The following ARSB variants were observed in gnomAD, a reference collection of about 807,000 sequenced individuals.
ARSB encodes arylsulfatase B.
A neutral mutation model predicts 50.9 loss-of-function variants in ARSB; 41 were observed. That is an observed-to-expected ratio of 0.81 (90% CI 0.63 to 1.04). The LOEUF is 1.04. ARSB is among the 50% of genes least tolerant of loss of function. The pLI is 0.00. For missense variants in ARSB, 672 were observed against 693.3 expected (o/e 0.97, Z 0.35); for synonymous variants, 269 against 284.8 (o/e 0.94, Z 0.56).
intron 6 of ARSB, among the ~76,000 whole-genome samples, chr5:78,812,221 G>A (rs1458494352): frequency 2.6e-5 from 4 of 152,138 alleles, no homozygotes; most frequent in South Asian, 2.1e-4. Flanking sequence ...GCAGGTGCTC[G>A]GCTGTCTGCT....
chr5:78,890,498 T>G (rs1194645041), intron 4 of ARSB, among the ~76,000 whole-genome samples: 1 of 152,134 alleles, frequency 6.6e-6, no homozygotes, highest in Non-Finnish European at 1.5e-5. Context: ...AAAACAGCTT[T>G]CCAATCATCC....
intron 1 of ARSB, among the ~76,000 whole-genome samples, chr5:78,980,391 T>C (rs1438169846): frequency 6.6e-6 from 1 of 152,190 alleles, no homozygotes; most frequent in Non-Finnish European, 1.5e-5. Flanking sequence ...ATGTACAAAA[T>C]GACATATGTG....
At chr5:78,905,237 T>C (rs1470378558) in intron 4 of ARSB, among the ~76,000 whole-genome samples, 1 of 152,180 alleles carries the variant, frequency 6.6e-6, no homozygotes, top group African/African-American at 2.4e-5. Context: ...TGCATTAAAG[T>C]TTTTGTCTGA....
intron 6 of ARSB, among the ~76,000 whole-genome samples, chr5:78,811,156 C>T (rs1191918538): frequency 6.6e-6 from 1 of 152,204 alleles, no homozygotes; most frequent in Non-Finnish European, 1.5e-5. Flanking sequence ...ATCTTTCCAA[C>T]TGGACTGCAG....
intron 4 of ARSB, among the ~76,000 whole-genome samples, chr5:78,922,209 G>T (rs1749850458): frequency 1.3e-5 from 2 of 150,880 alleles, no homozygotes; most frequent in Admixed American, 6.6e-5. Context: ...TGGTGGGGGG[G>T]GAGGAGGGGG....
At chr5:78,908,308 C>T (rs942564203) in intron 4 of ARSB, among the ~76,000 whole-genome samples, 1 of 152,066 alleles carries the variant, frequency 6.6e-6, no homozygotes, top group Non-Finnish European at 1.5e-5. Context: ...CTTGGTCTGC[C>T]GCTGGGACTG....
chr5:78,815,906 C>T, intron 6 of ARSB: 1 of 1,470,942 alleles, frequency 6.8e-7, no homozygotes, highest in South Asian at 1.4e-5. Context: ...AAGACAGCCT[C>T]CTGGGGCCCC....
At chr5:78,848,090 T>A (rs997934447) in intron 5 of ARSB, among the ~76,000 whole-genome samples, 37 of 151,294 alleles carry the variant, frequency 2.4e-4, no homozygotes, top group African/African-American at 8.7e-4. Context: ...TATTATACTT[T>A]AAGTTTTAGG....
intron 1 of ARSB, among the ~76,000 whole-genome samples, chr5:78,973,483 T>C (rs1001081042): frequency 6.6e-6 from 1 of 152,176 alleles, no homozygotes; most frequent in Non-Finnish European, 1.5e-5. Context: ...TATTTACATA[T>C]TGGTTGCACG....
intron 2 of ARSB, among the ~76,000 whole-genome samples, chr5:78,968,336 A>G (rs947855611): frequency 2.5e-5 from 2 of 81,352 alleles, no homozygotes; most frequent in East Asian, 2.5e-4. Flanking sequence ...TATTATTATT[A>G]TTATTATTAT....
At position 78,929,857 on chromosome 5, in the gene ARSB, A is replaced by G. The variant is rs60850046; in HGVS notation, c.898+25438T>C. On this transcript the variant is annotated intron_variant, in intron 4 of 7. Transcript: ENST00000264914. ...GATCTTCAGAACTCCTCAGGACAGT[A>G]CATTGTCTTAAATAACAAGTAGAGT... is the stretch of plus-strand genomic sequence containing the variant. Among the ~76,000 whole-genome samples the G allele has an allele frequency of 7.5e-3, 1,139 of 152,006 alleles. 16 individuals are homozygous for G. The highest frequency in any genetic ancestry group is 0.026 in the African/African-American group (1,092 of 41,418).
chr5:78,892,582 C>A (rs79688502), intron 4 of ARSB, among the ~76,000 whole-genome samples: 7,303 of 152,192 alleles, frequency 0.048, 549 homozygotes, highest in African/African-American at 0.16. Flanking sequence ...TAGGTAATTT[C>A]TTGAGAAGTG....
chr5:78,891,873 A>T (rs1487919126), intron 4 of ARSB, among the ~76,000 whole-genome samples: 1 of 152,210 alleles, frequency 6.6e-6, no homozygotes, highest in African/African-American at 2.4e-5. Context: ...TATGACCATC[A>T]TCACTTTCCC....
At chr5:78,976,412 C>A (rs1019344763) in intron 1 of ARSB, among the ~76,000 whole-genome samples, 2 of 151,306 alleles carry the variant, frequency 1.3e-5, no homozygotes, top group African/African-American at 4.8e-5. Flanking sequence ...ATCTACCCCC[C>A]TGCCCCCGGG....
chr5:78,867,339 C>A (rs1466185208), intron 5 of ARSB, among the ~76,000 whole-genome samples: 1 of 151,846 alleles, frequency 6.6e-6, no homozygotes, highest in Admixed American at 6.5e-5. Flanking sequence ...GCCTGCCTGC[C>A]TCTGTAGGCT....
At chr5:78,794,572 G>A (rs1376823844) in intron 6 of ARSB, among the ~76,000 whole-genome samples, 3 of 152,158 alleles carry the variant, frequency 2.0e-5, no homozygotes, top group African/African-American at 4.8e-5. Context: ...AAGAAGAGAG[G>A]TGGGGTTGGG....
intron 4 of ARSB, among the ~76,000 whole-genome samples, chr5:78,942,006 C>G (rs1750955655): frequency 1.3e-5 from 2 of 152,124 alleles, no homozygotes; most frequent in Admixed American, 6.5e-5. Context: ...CTGGTTTAGT[C>G]TTGGGAGGGT....
intron 4 of ARSB, among the ~76,000 whole-genome samples, chr5:78,953,482 C>T (rs1392723150): frequency 1.3e-5 from 2 of 152,222 alleles, no homozygotes; most frequent in Non-Finnish European, 2.9e-5. Flanking sequence ...CTTAGAACTG[C>T]GTCCCACACA....
chr5:78,937,512 T>C lies in ARSB; in HGVS notation c.898+17783A>G, dbSNP rs1750687596. Among the ~76,000 whole-genome samples, 5 of 149,448 alleles carry C rather than the reference T, an allele frequency of 3.3e-5. No homozygotes were observed. The Admixed American group carries it at 3.4e-4, about 10-fold the overall frequency. On this transcript the variant is annotated intron_variant, in intron 4 of 7. Transcript: ENST00000264914. ...CTCATAGAAAGGCCACAGTGCTCTC[T>C]TCTCACAGAATTGTGAAAATCATGA...
Sources: gnomAD v4.1 joint callset for allele counts (sites outside exome capture counted in the v4.1 genomes callset) on GRCh38, gnomAD v4.1.1 for gene constraint, MANE v1.5 for transcripts, NCBI Gene and HGNC (gene_info 2026-07-23, HGNC 2026-07-21) for gene names.